The following PPP1R1C variants were observed in gnomAD, a reference collection of about 807,000 sequenced individuals.
The protein encoded by PPP1R1C is protein phosphatase 1 regulatory inhibitor subunit 1C.
A neutral mutation model predicts 17.4 loss-of-function variants in PPP1R1C; 15 were observed. The observed-to-expected ratio is 0.86, with a 90% CI of 0.58 to 1.33. The LOEUF is 1.33. Ranked by LOEUF, PPP1R1C falls within the 40% of genes most tolerant of loss-of-function variation. The pLI is 0.00. For missense variants in PPP1R1C, 143 were observed against 130.0 expected (o/e 1.10, Z -0.48); for synonymous variants, 35 against 43.1 (o/e 0.81, Z 0.73).
At chr2:182,014,689 A>G (rs762276184) in intron 2 of PPP1R1C, among the ~76,000 whole-genome samples, 50 of 152,048 alleles carry the variant, frequency 3.3e-4, no homozygotes, top group Non-Finnish European at 5.1e-4. Context: ...GCCAGAGCCT[A>G]GAACAGGGAA....
Position 181,962,129 on chromosome 2 carries a change from TC to T in PPP1R1C, n.111+7497del, listed in dbSNP as rs1684809724. On this transcript the variant is annotated intron_variant and non_coding_transcript_variant, in intron 1 of 5. Coordinates refer to the PPP1R1C transcript ENST00000464264. This position sits in a 1 kb window ranked among gnomAD's most constrained non-coding sequence, Gnocchi z 6.0. ...GTCTCTGACCTGGAGTCCCTTCTTCTCCAGGTGCTCCCGGATTTTGCTCTCC... is the reference window on the plus strand; with the variant it reads ...GTCTCTGACCTGGAGTCCCTTCTTCTCAGGTGCTCCCGGATTTTGCTCTCC... 2 of 728,090 alleles carry T rather than the reference TC, an allele frequency of 2.7e-6. No homozygotes were observed. Among genetic ancestry groups the T allele is most frequent in the South Asian group, 2.7e-5 (2 of 73,396 alleles). 45.1% of individuals were successfully genotyped at this position (728,090 alleles called of 1,614,324 possible).
At chr2:181,963,783 T>G (rs1019244510) in intron 1 of PPP1R1C, among the ~76,000 whole-genome samples, 1 of 149,786 alleles carries the variant, frequency 6.7e-6, no homozygotes, top group African/African-American at 2.5e-5. Flanking sequence ...CTAGAGTTCT[T>G]TTTTGCTTGT....
chr2:182,030,307 C>T (rs1033710671), intron 2 of PPP1R1C, among the ~76,000 whole-genome samples: 2 of 152,136 alleles, frequency 1.3e-5, no homozygotes, highest in African/African-American at 4.8e-5. Flanking sequence ...TAGAGTTTCC[C>T]GTTTTTCTGT....
chr2:182,013,538 A>C (rs771926394), intron 2 of PPP1R1C, among the ~76,000 whole-genome samples: 11 of 151,990 alleles, frequency 7.2e-5, no homozygotes, highest in Non-Finnish European at 1.6e-4. Context: ...TTGGTGTTCT[A>C]TACCCTCCCT....
intron 2 of PPP1R1C, among the ~76,000 whole-genome samples, chr2:182,039,808 CCT>C (rs1687127649): frequency 6.6e-6 from 1 of 152,084 alleles, no homozygotes; most frequent in Non-Finnish European, 1.5e-5. Flanking sequence ...CCCCCCTCAC[CCT>C]CTCCCAATTC....
At chr2:182,083,227 G>T (rs1329824875) in intron 4 of PPP1R1C, among the ~76,000 whole-genome samples, 1 of 152,160 alleles carries the variant, frequency 6.6e-6, no homozygotes, top group Non-Finnish European at 1.5e-5. Flanking sequence ...GAATAATTAG[G>T]TTGAAAGTGA....
intron 1 of PPP1R1C, among the ~76,000 whole-genome samples, chr2:181,965,487 TA>T (rs990156924): frequency 1.3e-5 from 2 of 152,216 alleles, no homozygotes; most frequent in African/African-American, 4.8e-5. Flanking sequence ...TGGCAAGAGA[TA>T]GGGGTCAAGT....
At chr2:181,983,048 T>C (rs1343602660), upstream of PPP1R1C, among the ~76,000 whole-genome samples, 6 of 152,190 alleles carry the variant, frequency 3.9e-5, no homozygotes, top group Admixed American at 1.3e-4. Context: ...GTATCTTGAT[T>C]AATAGTATCC....
At chr2:182,103,155 T>A (rs1313979049) in intron 4 of PPP1R1C, among the ~76,000 whole-genome samples, 1 of 152,116 alleles carries the variant, frequency 6.6e-6, no homozygotes, top group Admixed American at 6.6e-5. Context: ...TGGGGGGAGG[T>A]TCTGATTTTG....
At chr2:181,981,845 T>G (rs1029644883), upstream of PPP1R1C, among the ~76,000 whole-genome samples, 2 of 152,164 alleles carry the variant, frequency 1.3e-5, no homozygotes, top group Non-Finnish European at 2.9e-5. Context: ...AGACAGAAAA[T>G]CATTGCATTA....
chr2:182,059,714 TCAACAACAA>T (rs777479217), intron 2 of PPP1R1C, among the ~76,000 whole-genome samples: 3 of 149,492 alleles, frequency 2.0e-5, no homozygotes, highest in East Asian at 1.9e-4. Context: ...TCAGCAGAAC[TCAACAACAA>T]CAACAACAAC....
At chr2:182,015,062 C>A (rs1686217036) in intron 2 of PPP1R1C, among the ~76,000 whole-genome samples, 1 of 152,138 alleles carries the variant, frequency 6.6e-6, no homozygotes, top group South Asian at 2.1e-4. Flanking sequence ...AACTGGTACC[C>A]AAGCTGCAAG....
chr2:182,129,082 G>A (rs1394079939), exon 6 of PPP1R1C: 2 of 152,152 alleles, frequency 1.3e-5, no homozygotes, highest in Non-Finnish European at 2.9e-5. Context: ...ATTCCATCAT[G>A]ATGCCACGTT....
chr2:182,081,224 C>T (rs1404600201), intron 4 of PPP1R1C, among the ~76,000 whole-genome samples: 1 of 152,138 alleles, frequency 6.6e-6, no homozygotes, highest in Admixed American at 6.5e-5. Context: ...TCTTTCTGAG[C>T]ATAGTGCCAA....
chr2:182,039,616 C>T (rs1687120490), intron 2 of PPP1R1C, among the ~76,000 whole-genome samples: 1 of 152,138 alleles, frequency 6.6e-6, no homozygotes, highest in Non-Finnish European at 1.5e-5. Context: ...AACTCCCAGG[C>T]TTAAGTGATC....
At chr2:181,984,516 C>T (rs868501773), upstream of PPP1R1C, among the ~76,000 whole-genome samples, 3 of 152,202 alleles carry the variant, frequency 2.0e-5, no homozygotes, top group South Asian at 2.1e-4. Flanking sequence ...TTCGACACTA[C>T]ACGGATAAAC....
chr2:182,130,608 A>C (rs1189143960), downstream of PPP1R1C: 1 of 152,200 alleles, frequency 6.6e-6, no homozygotes, highest in Non-Finnish European at 1.5e-5. Flanking sequence ...TATTGTTTAC[A>C]GATACCAACA....
At chr2:181,998,412 C>A (rs13002790) in intron 2 of PPP1R1C, among the ~76,000 whole-genome samples, 22,001 of 151,998 alleles carry the variant, frequency 0.14, 1,861 homozygotes, top group East Asian at 0.31. Context: ...ATTTATCTGC[C>A]CTAGCTTGTA....
intron 1 of PPP1R1C, among the ~76,000 whole-genome samples, chr2:181,960,293 A>C (rs922511453): frequency 2.0e-5 from 3 of 152,194 alleles, no homozygotes; most frequent in South Asian, 2.1e-4. Context: ...AAAAATAATA[A>C]GTTTTTCACA....
Sources: gnomAD v4.1 joint callset for allele counts (sites outside exome capture counted in the v4.1 genomes callset) on GRCh38, gnomAD v4.1.1 for gene constraint, Gnocchi (gnomAD v3.1) non-coding constraint, MANE v1.5 for transcripts, NCBI Gene and HGNC (gene_info 2026-07-23, HGNC 2026-07-21) for gene names.